SEZ6L2: variants seen among roughly 807,000 people sequenced by gnomAD.
SEZ6L2 encodes seizure 6-like protein 2.
A neutral mutation model predicts 97.0 loss-of-function variants in SEZ6L2; 44 were observed. The ratio of observed to expected loss-of-function variants is 0.45; its 90% CI spans 0.36 to 0.58. SEZ6L2 has a LOEUF of 0.58. Among genes scored for constraint, SEZ6L2 ranks in the 20% least tolerant of loss-of-function variants. The pLI is 0.00. For missense variants in SEZ6L2, 1,086 were observed against 1,233.3 expected, an observed-to-expected ratio of 0.88 and a Z score of 1.79; for synonymous variants, 543 against 546.1, an observed-to-expected ratio of 0.99 and a Z score of 0.08.
At chr16:29,872,842 T>C (rs1318691690) in intron 14 of SEZ6L2, 99 bp from the exon 15 acceptor site, 1 of 962,220 alleles carries the variant, frequency 1.0e-6, no homozygotes, top group Non-Finnish European at 1.6e-6. Flanking sequence ...GACAGCCTGG[T>C]TCTCTCTGCC....
In SEZ6L2 at chr16:29,873,981, TAAA is replaced by T. The variant is rs1460562694; in HGVS notation, c.2105-255_2105-253del. On this transcript the variant is annotated intron_variant, in intron 12 of 17. Transcript: ENST00000617533. This position sits in a 1 kb window ranked among gnomAD's most constrained non-coding sequence, Gnocchi z 4.3. ...AGAGTGAGACCCAGTCTAAAAAAAA[TAAA>T]AGAAAATCTCCCAGAAGCTTAGGGC... Among the ~76,000 whole-genome samples the T allele has an allele frequency of 5.9e-5, 9 of 151,476 alleles. No homozygotes were observed. Among genetic ancestry groups the T allele is most frequent in the Admixed American group, 5.9e-4 (9 of 15,204 alleles).
intron 3 of SEZ6L2, 54 bp from the exon 4 acceptor site, chr16:29,895,914 C>T: frequency 6.5e-7 from 1 of 1,548,974 alleles, no homozygotes. Context: ...TTTGCCCTCC[C>T]AGCCAAGCAA....
At position 29,873,101 on chromosome 16, in the gene SEZ6L2, C is replaced by G. The variant is rs1019460028; in HGVS notation, c.2488+139G>C. On this transcript the variant is annotated intron_variant, in intron 14 of 17. Transcript: ENST00000617533. The surrounding 1 kb of genome is among the most constrained non-coding windows in gnomAD (Gnocchi z 4.3). ...ACGACCCAGGGCTTCTGGACACACC[C>G]GTGAGGACACGAGGCCACAGGAGGA... The G allele has an allele frequency of 1.9e-5, 18 of 971,812 alleles. No individual in the cohort carries two copies. The highest frequency in any genetic ancestry group is 3.1e-4 in the Middle Eastern group (1 of 3,230). The allele number at this position is 971,812 out of a possible 1,614,324, so 60.2% of individuals were successfully genotyped here. A position where few individuals can be genotyped will look rare whatever the true frequency, so the allele number is the denominator to read the frequency against.
rs139613431 is a variant in SEZ6L2 at position 29,879,194 on chromosome 16, C to T, written c.1573+670G>A. Among the ~76,000 whole-genome samples the T allele has an allele frequency of 8.9e-3, 1,322 of 148,802 alleles. 16 individuals are homozygous for T. Among genetic ancestry groups the T allele is most frequent in the African/African-American group, 0.031 (1,256 of 40,208 alleles). The stretch of plus-strand genomic sequence containing the variant: ...TTGGGATTACAGGCGTGAGACACTG[C>T]TCCCGGCTTTATCCACCTGTTTCTT... On this transcript the variant is annotated intron_variant, in intron 9 of 17. Transcript: ENST00000617533.
In SEZ6L2 at chr16:29,885,710, C is replaced by T; in HGVS notation, c.1248G>A (p.Val416=). 6.2e-7 allele frequency: 1 copy of T among 1,613,740 alleles called. No homozygotes were observed. The highest frequency in any genetic ancestry group is 8.5e-7 in the Non-Finnish European group (1 of 1,179,834). ...CATCGTCCATGTCCGAATCATAGAT[C>T]ACGGGGGATAGGGGGCTGCCCCCTG... ...VRSGGSPLSP[V]IYDSDMDDVP... is the part of the protein sequence containing the mutation. Residue 416 remains valine, a synonymous_variant, in exon 8 of 18, where the codon GTG becomes GTA. Coordinates refer to ENST00000617533, the MANE Select transcript of SEZ6L2 (RefSeq NM_001243332.2).
At chr16:29,874,104 G>C (rs2067847848) in intron 12 of SEZ6L2, among the ~76,000 whole-genome samples, 1 of 152,154 alleles carries the variant, frequency 6.6e-6, no homozygotes, top group South Asian at 2.1e-4. Flanking sequence ...AGCATGAATT[G>C]GAAAAACTTA....
At chr16:29,892,429 C>G (rs920307251) in intron 5 of SEZ6L2, among the ~76,000 whole-genome samples, 1 of 152,238 alleles carries the variant, frequency 6.6e-6, no homozygotes, top group East Asian at 1.9e-4. Context: ...TCAGATTTCA[C>G]AATATCTGAA....
rs2068482067 is a variant in SEZ6L2, at chr16:29,899,281, C to T, written c.-262G>A. The T allele has an allele frequency of 4.6e-6, 2 of 431,916 alleles. No individual in the cohort carries two copies. The highest frequency in any genetic ancestry group is 2.1e-5 in the African/African-American group (1 of 46,978). The allele number at this position is 431,916 out of a possible 1,614,324, so 26.8% of individuals were successfully genotyped here. The stretch of plus-strand genomic sequence containing the variant: ...CTCTGTGGTGGAGGGGGCGCGGCTC[C>T]GGCTGCAGGGGGTGGGGCCGAGAGG... On this transcript the variant is annotated 5_prime_UTR_variant, in exon 1 of 18. Coordinates refer to ENST00000617533, the MANE Select transcript of SEZ6L2 (RefSeq NM_001243332.2).
chr16:29,883,669 C>T (rs1239119048), intron 8 of SEZ6L2, among the ~76,000 whole-genome samples: 1 of 152,090 alleles, frequency 6.6e-6, no homozygotes, highest in Non-Finnish European at 1.5e-5. Context: ...GGGTGGCTCA[C>T]GCCTGTAATC....
chr16:29,881,671 A>G (rs950007891), intron 8 of SEZ6L2, among the ~76,000 whole-genome samples: 13 of 115,596 alleles, frequency 1.1e-4, no homozygotes, highest in African/African-American at 3.5e-4. Flanking sequence ...CTTGTTGCCC[A>G]GGCTGGAGTG....
intron 11 of SEZ6L2, 110 bp from the exon 12 acceptor site, chr16:29,877,060 C>G (rs2067920727): frequency 8.4e-7 from 1 of 1,190,274 alleles, no homozygotes; most frequent in Non-Finnish European, 1.2e-6. Flanking sequence ...CTCTCTCTCT[C>G]TCTTAGAGAC....
At chr16:29,886,369 C>T (rs1433207127) in intron 7 of SEZ6L2, among the ~76,000 whole-genome samples, 1 of 147,174 alleles carries the variant, frequency 6.8e-6, no homozygotes, top group East Asian at 2.1e-4. Flanking sequence ...AGTCTGTCTC[C>T]AAAAATAAAT....
At chr16:29,877,828 T>G (rs1340664245) in intron 10 of SEZ6L2, among the ~76,000 whole-genome samples, 3 of 152,192 alleles carry the variant, frequency 2.0e-5, no homozygotes, top group Non-Finnish European at 4.4e-5. Context: ...TACACAACTC[T>G]AGGCCCCGCC....
At chr16:29,897,747 C>A in intron 2 of SEZ6L2, 106 bp downstream of exon 2, 1 of 1,329,748 alleles carries the variant, frequency 7.5e-7, no homozygotes, top group Non-Finnish European at 1.0e-6. Flanking sequence ...GCTCTTTCCT[C>A]TGCAGTCTCT....
intron 5 of SEZ6L2, among the ~76,000 whole-genome samples, chr16:29,891,851 G>A (rs189358136): frequency 2.6e-5 from 4 of 152,258 alleles, no homozygotes; most frequent in Admixed American, 2.6e-4. Context: ...AGGGAAGATT[G>A]GCCTGAAAAT....
chr16:29,898,903 C>T, intron 1 of SEZ6L2, 38 bp downstream of exon 1: 1 of 1,547,886 alleles, frequency 6.5e-7, no homozygotes, highest in Non-Finnish European at 8.9e-7. Context: ...CCGCTGGACG[C>T]CTTCCTGGGG....
chr16:29,881,441 A>G (rs962725680), intron 8 of SEZ6L2, among the ~76,000 whole-genome samples: 8 of 152,086 alleles, frequency 5.3e-5, no homozygotes, highest in African/African-American at 1.9e-4. Context: ...GATTCTGATC[A>G]TCCATGCTGT....
Position 29,878,390 on chromosome 16 carries a change from C to T in SEZ6L2, c.1609G>A (p.Val537Met), listed in dbSNP as rs372287449. The T allele has an allele frequency of 8.1e-6, 13 of 1,606,824 alleles. No homozygotes were observed. The highest frequency in any genetic ancestry group is 1.1e-5 in the South Asian group (1 of 89,408). The change falls in exon 10 of 18, where the codon GTG becomes ATG. Residue 537 changes from valine to methionine, a missense_variant. Physicochemically the swap from Val to Met is conservative, Grantham distance 21. Coordinates refer to ENST00000617533, the MANE Select transcript of SEZ6L2 (RefSeq NM_001243332.2). ...TGGGGCCAGTCGGGAGAGAGGACCA[C>T]GCCAGCTGGTTCCGACAGCTCCCCT... The part of the protein sequence containing the change: ...CGGELSEPAG[V>M]VLSPDWPQSY...
Position 29,873,259 on chromosome 16 carries a change from G to A in SEZ6L2, c.2469C>T (p.Ser823=). The A allele has an allele frequency of 1.2e-6, 2 of 1,614,024 alleles. No individual in the cohort carries two copies. The highest frequency in any genetic ancestry group is 1.3e-5 in the African/African-American group (1 of 75,052). The change falls in exon 14 of 18, where the codon AGC becomes AGT. Residue 823 remains serine (S), a synonymous_variant. Coordinates refer to ENST00000617533, the MANE Select transcript of SEZ6L2 (RefSeq NM_001243332.2). The surrounding 1 kb of genome is among the most constrained non-coding windows in gnomAD (Gnocchi z 4.3). ...AGGCACCTTTGCAGAGTGGGGGCTG[G>A]CTGGTCCACTGGGAGGGGTGGCCGG... is the stretch of plus-strand genomic sequence containing the variant. ...CVPGHPSQWT[S]QPPLCKVAYE...
Sources: gnomAD v4.1 joint callset for allele counts (sites outside exome capture counted in the v4.1 genomes callset) on GRCh38, gnomAD v4.1.1 for gene constraint, Gnocchi (gnomAD v3.1) non-coding constraint, MANE v1.5 for transcripts, NCBI Gene and HGNC (gene_info 2026-07-23, HGNC 2026-07-21) for gene names.